RAPGEF2: variants seen among roughly 807,000 people sequenced by gnomAD.
The protein encoded by RAPGEF2 is PDZ domain containing guanine nucleotide exchange factor (GEF) 1.
A neutral mutation model predicts 186.7 loss-of-function variants in RAPGEF2; 54 were observed. The ratio of observed to expected loss-of-function variants is 0.29; its 90% confidence interval spans 0.23 to 0.36. RAPGEF2 has a LOEUF of 0.36. RAPGEF2 is among the 10% of genes least tolerant of loss of function. RAPGEF2 has a pLI of 1.00. For missense variants in RAPGEF2, 1,532 were observed against 2,045.0 expected, an observed-to-expected ratio of 0.75 and a Z score of 4.84; for synonymous variants, 712 against 705.9, an observed-to-expected ratio of 1.01 and a Z score of -0.14.
At chr4:159,116,548 C>A (rs1038929019) in intron 1 of RAPGEF2, among the ~76,000 whole-genome samples, 1 of 152,162 alleles carries the variant, frequency 6.6e-6, no homozygotes, top group African/African-American at 2.4e-5. Context: ...ACCCAGCAAT[C>A]CCATTACTGG....
At chr4:159,343,596 G>A (rs528254826) in intron 22 of RAPGEF2, among the ~76,000 whole-genome samples, 192 bp downstream of exon 22, 2 of 152,170 alleles carry the variant, frequency 1.3e-5, no homozygotes, top group Admixed American at 6.5e-5. Flanking sequence ...GTGTTCTTTC[G>A]GCTGTCAGTA....
chr4:159,278,109 A>G (rs573704619), intron 7 of RAPGEF2, among the ~76,000 whole-genome samples: 2 of 152,142 alleles, frequency 1.3e-5, no homozygotes, highest in Non-Finnish European at 2.9e-5. Flanking sequence ...TCCATCTCCA[A>G]TTAATTTTTG....
At chr4:159,350,105 A>C in intron 25 of RAPGEF2, 32 bp from the exon 26 acceptor site, 1 of 1,400,556 alleles carries the variant, frequency 7.1e-7, no homozygotes, top group South Asian at 1.5e-5. Flanking sequence ...ACTTGAAAAT[A>C]CATATTTAAG....
chr4:159,168,050 A>T (rs1396462170), intron 1 of RAPGEF2, among the ~76,000 whole-genome samples: 1 of 152,266 alleles, frequency 6.6e-6, no homozygotes, highest in Middle Eastern at 3.2e-3. Flanking sequence ...CATGTTGTCC[A>T]GTGACGCAGT....
intron 1 of RAPGEF2, among the ~76,000 whole-genome samples, chr4:159,122,038 C>CAAAAAA (rs70962654): frequency 1.6e-3 from 83 of 51,372 alleles, no homozygotes; most frequent in Non-Finnish European, 1.8e-3. Context: ...GACTCCATCT[C>CAAAAAA]AAAAAAAAAA....
rs1477373060 is a variant in RAPGEF2, at chr4:159,312,876, G to C, written c.676-1715G>C. ...TAAGAAAATAGCACAGGCTGGGCGT[G>C]GTGGCTCATGCCTGTAATCACAGCA... On this transcript the variant is annotated intron_variant, in intron 8 of 29. Coordinates refer to ENST00000691494, the MANE Select transcript of RAPGEF2 (RefSeq NM_001394067.2). Among the ~76,000 whole-genome samples the C allele has an allele frequency of 3.3e-5, 5 of 152,168 alleles. No individual in the cohort carries two copies. The East Asian group carries it at 7.7e-4, about 23-fold the overall frequency.
chr4:159,166,040 G>A (rs1012300261), intron 1 of RAPGEF2, among the ~76,000 whole-genome samples: 38 of 152,276 alleles, frequency 2.5e-4, no homozygotes, highest in African/African-American at 8.4e-4. Flanking sequence ...AGGAAAAGGG[G>A]CCGGGAGCAT....
chr4:159,342,033 T>G, intron 20 of RAPGEF2, 86 bp downstream of exon 20: 1 of 1,282,798 alleles, frequency 7.8e-7, no homozygotes, highest in Non-Finnish European at 1.1e-6. Flanking sequence ...ATAATTAGTA[T>G]AAATGCTATA....
intron 1 of RAPGEF2, among the ~76,000 whole-genome samples, chr4:159,117,473 G>A (rs1236112981): frequency 6.6e-6 from 1 of 152,100 alleles, no homozygotes; most frequent in Non-Finnish European, 1.5e-5. Flanking sequence ...TCTCTGGTGT[G>A]GTTTAAATCT....
intron 1 of RAPGEF2, among the ~76,000 whole-genome samples, chr4:159,118,210 G>A (rs887688896): frequency 5.9e-5 from 9 of 152,058 alleles, no homozygotes; most frequent in Non-Finnish European, 1.0e-4. Context: ...CCTGAGCTCC[G>A]CCTCCTGTCA....
intron 17 of RAPGEF2, 53 bp downstream of exon 17, chr4:159,332,750 T>G (rs369959602): frequency 1.2e-5 from 19 of 1,576,772 alleles, no homozygotes; most frequent in African/African-American, 8.2e-5. Context: ...TAAAATGATA[T>G]GCAAAGATAG....
intron 7 of RAPGEF2, among the ~76,000 whole-genome samples, chr4:159,257,592 T>A (rs911542830): frequency 2.6e-5 from 4 of 152,320 alleles, no homozygotes; most frequent in African/African-American, 9.6e-5. Flanking sequence ...TAATCTATCT[T>A]GAGTTAATTT....
chr4:159,298,243 A>G (rs1375111874), intron 7 of RAPGEF2, among the ~76,000 whole-genome samples: 3 of 152,138 alleles, frequency 2.0e-5, no homozygotes, highest in Admixed American at 6.6e-5. Flanking sequence ...GACATTATAT[A>G]TATTTATTAG....
intron 3 of RAPGEF2, among the ~76,000 whole-genome samples, chr4:159,207,252 GAT>G (rs1446277013): frequency 6.6e-6 from 1 of 152,190 alleles, no homozygotes; most frequent in Non-Finnish European, 1.5e-5. Context: ...TGGATTTCCT[GAT>G]ATAAAGAGTC....
chr4:159,184,294 A>C (rs973006985), intron 1 of RAPGEF2, among the ~76,000 whole-genome samples: 6 of 152,264 alleles, frequency 3.9e-5, no homozygotes, highest in African/African-American at 1.4e-4. Flanking sequence ...ATTTCTAGTT[A>C]TAGATCCTTG....
chr4:159,306,247 C>T (rs571058027), intron 8 of RAPGEF2, among the ~76,000 whole-genome samples: 1 of 151,928 alleles, frequency 6.6e-6, no homozygotes, highest in African/African-American at 2.4e-5. Flanking sequence ...GATATTAATT[C>T]TTTCAATCCA....
At position 159,131,519 on chromosome 4, in the gene RAPGEF2, A is replaced by ATTGTTTTTTTTTTTTTTTTTT; in HGVS notation, c.69+27290_69+27291insGTTTTTTTTTTTTTTTTTTTT. Reference sequence around the variant, plus strand: ...TGATATCTTTGTCTGATTAATTGCTATTTTTTTTTTTTTTTTTTTTTTTTT... The same window carrying ATTGTTTTTTTTTTTTTTTTTT: ...TGATATCTTTGTCTGATTAATTGCTATTGTTTTTTTTTTTTTTTTTTTTTTTTTTTTTTTTTTTTTTTTTTT... On this transcript the variant is annotated intron_variant, in intron 1 of 29. Coordinates refer to ENST00000691494, the MANE Select transcript of RAPGEF2 (RefSeq NM_001394067.2). Among the ~76,000 whole-genome samples, 4 of 37,210 alleles carry ATTGTTTTTTTTTTTTTTTTTT rather than the reference A, an allele frequency of 1.1e-4. 1 individual carries two copies. The highest frequency in any genetic ancestry group is 2.4e-4 in the African/African-American group (2 of 8,304). The allele number at this position is 37,210 out of a possible 152,430, so 24.4% of individuals were successfully genotyped here. A position where few individuals can be genotyped will look rare whatever the true frequency, so the allele number is the denominator to read the frequency against.
chr4:159,196,429 T>C (rs1748659706), intron 3 of RAPGEF2, among the ~76,000 whole-genome samples: 1 of 152,236 alleles, frequency 6.6e-6, no homozygotes, highest in Non-Finnish European at 1.5e-5. Context: ...TTTCACACTT[T>C]GGTTTTATGA....
At chr4:159,277,981 G>C (rs1417077702) in intron 7 of RAPGEF2, among the ~76,000 whole-genome samples, 7 of 152,154 alleles carry the variant, frequency 4.6e-5, no homozygotes, top group Non-Finnish European at 7.3e-5. Flanking sequence ...TGCTTTTGTT[G>C]CCATTGCTTT....
Sources: gnomAD v4.1 joint callset for allele counts (sites outside exome capture counted in the v4.1 genomes callset) on GRCh38, gnomAD v4.1.1 for gene constraint, MANE v1.5 for transcripts, NCBI Gene and HGNC (gene_info 2026-07-23, HGNC 2026-07-21) for gene names.